CPZ: variants seen among roughly 807,000 people sequenced by gnomAD.
The protein encoded by CPZ is carboxypeptidase Z.
A neutral mutation model predicts 61.8 loss-of-function variants in CPZ; 103 were observed. The observed-to-expected ratio is 1.67, with a 90% confidence interval of 1.42 to 1.96. CPZ has a LOEUF of 1.96. CPZ is among the 30% of genes most tolerant of loss of function. The pLI is 0.00. For missense variants in CPZ, 1,461 were observed against 914.9 expected (o/e 1.60, Z -7.70); for synonymous variants, 551 against 373.7 (o/e 1.47, Z -5.47).
intron 7 of CPZ, 24 bp from the exon 8 acceptor site, chr4:8,612,003 A>C: frequency 6.2e-7 from 1 of 1,613,396 alleles, no homozygotes; most frequent in Admixed American, 1.7e-5. Context: ...CCCTTTCCTT[A>C]TCTGAGCCAG....
chr4:8,603,766 A>C, intron 3 of CPZ: 1 of 590,970 alleles, frequency 1.7e-6, no homozygotes, highest in Non-Finnish European at 3.0e-6. Flanking sequence ...GTTAGGAACC[A>C]TGGCGCTGTG....
rs1222217204 is a variant in CPZ at position 8,606,827 on chromosome 4, T to C, written c.997T>C (p.Tyr333His). The change falls in exon 6 of 11, where the codon TAC (tyrosine) becomes CAC (histidine). Residue 333 changes from tyrosine (Y) to histidine (H), a missense_variant. Coordinates refer to ENST00000360986, the MANE Select transcript of CPZ (RefSeq NM_001014447.3). ...RNFPDLTSEY[Y>H]RLAETRGARS... ...TTTCCCGGACCTGACGTCCGAGTACTACCGGCTGGCGGAGACCCGCGGCGC... is the reference window on the plus strand; with the variant it reads ...TTTCCCGGACCTGACGTCCGAGTACCACCGGCTGGCGGAGACCCGCGGCGC... The C allele has an allele frequency of 1.9e-6, 3 of 1,613,976 alleles. No individual in the cohort carries two copies. Among genetic ancestry groups the C allele is most frequent in the Admixed American group, 3.3e-5 (2 of 60,028 alleles).
chr4:8,606,690 G>C, intron 5 of CPZ, 47 bp from the exon 6 acceptor site: 1 of 1,611,512 alleles, frequency 6.2e-7, no homozygotes, highest in Non-Finnish European at 8.5e-7. Context: ...AAGGAGGAGG[G>C]TGGGGTGTGC....
chr4:8,615,521 G>A (rs1274789539), intron 9 of CPZ, among the ~76,000 whole-genome samples: 1 of 152,260 alleles, frequency 6.6e-6, no homozygotes, highest in African/African-American at 2.4e-5. Flanking sequence ...GCAAGGAGAG[G>A]TGAGGGCGCA....
rs747312956 is a variant in CPZ at position 8,619,293 on chromosome 4, C to A, written c.1635C>A (p.Pro545=). The change falls in exon 11 of 11, where the codon CCC becomes CCA. Residue 545 remains proline, a synonymous_variant. Coordinates refer to ENST00000360986, the MANE Select transcript of CPZ (RefSeq NM_001014447.3). The part of the protein sequence containing the change: ...APDGDYWRLL[P]PGIHIVIAQA... The stretch of plus-strand genomic sequence containing the variant: ...ATGGTGACTACTGGAGACTGCTGCC[C>A]CCAGGTATCCACATTGTCATTGCCC... The A allele has an allele frequency of 3.1e-6, 5 of 1,613,462 alleles. No individual in the cohort carries two copies. Among genetic ancestry groups the A allele is most frequent in the Non-Finnish European group, 4.2e-6 (5 of 1,179,722 alleles).
intron 9 of CPZ, chr4:8,618,132 A>G: frequency 2.6e-6 from 1 of 384,962 alleles, no homozygotes. Flanking sequence ...AGTGGCAGGA[A>G]AGGGTTCTCT....
intron 6 of CPZ, among the ~76,000 whole-genome samples, 175 bp downstream of exon 6, chr4:8,607,073 T>G (rs1715098490): frequency 6.6e-6 from 1 of 152,154 alleles, no homozygotes; most frequent in African/African-American, 2.4e-5. Context: ...TTGGTGAGAT[T>G]CAGAGATTCA....
chr4:8,595,121 G>C (rs1714080092), intron 1 of CPZ, among the ~76,000 whole-genome samples: 1 of 152,202 alleles, frequency 6.6e-6, no homozygotes, highest in Non-Finnish European at 1.5e-5. Flanking sequence ...CCAGCATTTT[G>C]GCATTCATAT....
chr4:8,603,734 T>C (rs912615373), intron 3 of CPZ: 3 of 567,960 alleles, frequency 5.3e-6, no homozygotes, highest in Non-Finnish European at 9.4e-6. Context: ...AGTGGCCCCA[T>C]AGTATGTTTA....
chr4:8,609,613 A>T (rs1015085948), intron 7 of CPZ, among the ~76,000 whole-genome samples: 11 of 148,328 alleles, frequency 7.4e-5, no homozygotes, highest in Admixed American at 5.3e-4. Context: ...CCCTCTGCAC[A>T]GGCCCAGTGT....
chr4:8,618,706 C>T (rs1406839545), intron 10 of CPZ, among the ~76,000 whole-genome samples, 178 bp downstream of exon 10: 1 of 152,186 alleles, frequency 6.6e-6, no homozygotes, highest in Non-Finnish European at 1.5e-5. Context: ...CGTCTCCTTA[C>T]AGCATTTGGT....
intron 7 of CPZ, among the ~76,000 whole-genome samples, chr4:8,608,399 A>G (rs3822199): frequency 0.8 from 121,874 of 152,154 alleles, 48,903 homozygotes; most frequent in Admixed American, 0.87. Flanking sequence ...GCCCCTCATA[A>G]CAGCAGTCAC....
rs190728963 is a variant in CPZ, at chr4:8,619,719, G to A, written c.*102G>A. 2.3e-4 allele frequency: 203 copies of A among 876,078 alleles called. 1 individual carries two copies. In the African/African-American group the frequency reaches 2.4e-3, roughly 11 times the overall value. 54.3% of individuals were successfully genotyped at this position (876,078 alleles called of 1,614,324 possible). ...TCTGCCACAGACATCCCACAAAGCC[G>A]CTGCCATTTTATTAAAGTGTTTTGA... is the stretch of plus-strand genomic sequence containing the variant. On this transcript the variant is annotated 3_prime_UTR_variant, in exon 11 of 11. Coordinates refer to ENST00000360986, the MANE Select transcript of CPZ (RefSeq NM_001014447.3).
At chr4:8,618,598 A>T (rs4696872) in intron 10 of CPZ, 70 bp downstream of exon 10, 3 of 1,441,680 alleles carry the variant, frequency 2.1e-6, no homozygotes, top group Non-Finnish European at 2.9e-6. Flanking sequence ...GGCAGCCGGC[A>T]CCCTCAGGCA....
chr4:8,610,730 C>T (rs1274189368), intron 7 of CPZ, among the ~76,000 whole-genome samples: 1 of 152,190 alleles, frequency 6.6e-6, no homozygotes, highest in Non-Finnish European at 1.5e-5. Flanking sequence ...TGCTGCCCCA[C>T]CCACAGGTGC....
At chr4:8,610,995 TTCACTCATTCAC>T (rs72237922) in intron 7 of CPZ, among the ~76,000 whole-genome samples, 34,886 of 149,054 alleles carry the variant, frequency 0.23, 4,770 homozygotes, top group East Asian at 0.35. Flanking sequence ...CACTCACTCT[TTCACTCATTCAC>T]TCACTCATTC....
Position 8,606,177 on chromosome 4 carries a change from G to T in CPZ, c.898G>T (p.Ala300Ser). The T allele has an allele frequency of 6.2e-7, 1 of 1,613,488 alleles. No individual in the cohort carries two copies. The highest frequency in any genetic ancestry group is 1.1e-5 in the South Asian group (1 of 91,038). ...GAACCCTGACGGCTATGAGGTGGCA[G>T]CTGCCGAGGTGAGCGCCCAGATGCC... is the stretch of plus-strand genomic sequence containing the variant. ...SMNPDGYEVAAAEGAGYNGWT... is the reference protein window; with the variant it reads ...SMNPDGYEVASAEGAGYNGWT... The change falls in exon 5 of 11, where the codon GCT becomes TCT. Residue 300 changes from alanine (A) to serine (S), a missense_variant. Transcript: ENST00000360986.
At position 8,614,444 on chromosome 4, in the gene CPZ, C is replaced by T. The variant is rs770811474; in HGVS notation, c.1449C>T (p.Ala483=). 3.7e-6 allele frequency: 6 copies of T among 1,614,058 alleles called. No homozygotes were observed. Among genetic ancestry groups the T allele is most frequent in the Non-Finnish European group, 4.2e-6 (5 of 1,179,982 alleles). The change falls in exon 9 of 11, where the codon GCC becomes GCT. Residue 483 remains alanine, a synonymous_variant. Coordinates refer to ENST00000360986, the MANE Select transcript of CPZ (RefSeq NM_001014447.3). ...GTGTGAAGTTCCCCCCCGAGGAGGCCCTGTACATACTCTGGCAGCACAACA... is the reference window on the plus strand; with the variant it reads ...GTGTGAAGTTCCCCCCCGAGGAGGCTCTGTACATACTCTGGCAGCACAACA... ...LGCVKFPPEE[A]LYILWQHNKE...
intron 10 of CPZ, 125 bp from the exon 11 acceptor site, chr4:8,619,137 G>A: frequency 2.6e-6 from 2 of 764,876 alleles, no homozygotes; most frequent in Non-Finnish European, 4.2e-6. Context: ...GGCCCACACA[G>A]AGGCAAGTGC....
Sources: gnomAD v4.1 joint callset for allele counts (sites outside exome capture counted in the v4.1 genomes callset) on GRCh38, gnomAD v4.1.1 for gene constraint, MANE v1.5 for transcripts, NCBI Gene and HGNC (gene_info 2026-07-23, HGNC 2026-07-21) for gene names.